KCNK12: variants seen among roughly 807,000 people sequenced by gnomAD.
The protein encoded by KCNK12 is potassium channel subfamily K member 12.
KCNK12 carries 6 observed loss-of-function variants against 25.3 expected under a neutral mutation model. The ratio of observed to expected loss-of-function variants is 0.24; its 90% CI spans 0.13 to 0.47. KCNK12 has a LOEUF of 0.47. Ranked by LOEUF, KCNK12 falls within the 20% of genes least tolerant of loss-of-function variation. The pLI is 0.99. For missense variants in KCNK12, 444 were observed against 661.7 expected, an observed-to-expected ratio of 0.67 and a Z score of 3.61; for synonymous variants, 331 against 311.1, an observed-to-expected ratio of 1.06 and a Z score of -0.67.
Position 47,568,970 on chromosome 2 carries a change from G to C in KCNK12, c.391+971C>G, listed in dbSNP as rs889734759. Among the ~76,000 whole-genome samples, 3 of 152,156 alleles carry C rather than the reference G, an allele frequency of 2.0e-5. No homozygotes were observed. In the East Asian group the frequency reaches 5.8e-4, roughly 29 times the overall value. ...GACACCCAGGGCCCAGGGAAAGTGGGGGATGGGAAAAGTGAGTGAGAGGAG... is the reference window on the plus strand; with the variant it reads ...GACACCCAGGGCCCAGGGAAAGTGGCGGATGGGAAAAGTGAGTGAGAGGAG... On this transcript the variant is annotated intron_variant, in intron 1 of 1. Transcript: ENST00000327876.
Position 47,570,281 on chromosome 2 carries a change from C to A in KCNK12, c.51G>T (p.Leu17=), listed in dbSNP as rs1052912560. ...RPPPRRSRRR[L]PRPSCCCCCC... Reference sequence around the variant, plus strand: ...AGCAGCAGCAGCAGGAGGGGCGCGGCAGGCGGCGGCGGCTACGGCGGGGCG... The same window carrying A: ...AGCAGCAGCAGCAGGAGGGGCGCGGAAGGCGGCGGCGGCTACGGCGGGGCG... Residue 17 remains leucine, a synonymous_variant, in exon 1 of 2, where the codon CTG becomes CTT. Transcript: ENST00000327876. The A allele has an allele frequency of 1.4e-6, 2 of 1,394,538 alleles. No individual in the cohort carries two copies. Among genetic ancestry groups the A allele is most frequent in the Non-Finnish European group, 1.9e-6 (2 of 1,075,968 alleles). 86.4% of individuals were successfully genotyped at this position (1,394,538 alleles called of 1,614,324 possible). A position where few individuals can be genotyped will look rare whatever the true frequency, so the allele number is the denominator to read the frequency against.
At chr2:47,567,026 A>T (rs557813895) in intron 1 of KCNK12, 150 of 152,344 alleles carry the variant, frequency 9.8e-4, no homozygotes, top group African/African-American at 3.5e-3. Context: ...GTAAGCTTTA[A>T]CCTTTCAAAA....
Position 47,562,776 on chromosome 2 carries a change from TGTTC to T in KCNK12, c.391+7161_391+7164del, listed in dbSNP as rs748797996. Reference sequence around the variant, plus strand: ...TGCAGTTTCAAGCCCCTCCACCCCCTGTTCCTCACCAACTCTCCCCGTGTAGAAA... The same window carrying T: ...TGCAGTTTCAAGCCCCTCCACCCCCTCTCACCAACTCTCCCCGTGTAGAAA... On this transcript the variant is annotated intron_variant, in intron 1 of 1. Transcript: ENST00000327876. The surrounding 1 kb of genome is among the most constrained non-coding windows in gnomAD (Gnocchi z 4.8). 209 of 233,174 alleles carry T rather than the reference TGTTC, an allele frequency of 9.0e-4. No homozygotes were observed. The highest frequency in any genetic ancestry group is 1.3e-3 in the Non-Finnish European group (156 of 118,014). The allele number at this position is 233,174 out of a possible 1,614,324, so 14.4% of individuals were successfully genotyped here. A position where few individuals can be genotyped will look rare whatever the true frequency, so the allele number is the denominator to read the frequency against.
rs1274746594 is a variant in KCNK12 at position 47,540,653 on chromosome 2, C to A, written c.392-18845G>T. Among the ~76,000 whole-genome samples, 1 of 152,170 alleles carries A rather than the reference C, an allele frequency of 6.6e-6. No homozygotes were observed. The highest frequency in any genetic ancestry group is 2.4e-5 in the African/African-American group (1 of 41,428). On this transcript the variant is annotated intron_variant, in intron 1 of 1. Transcript: ENST00000327876. The surrounding 1 kb of genome is among the most constrained non-coding windows in gnomAD (Gnocchi z 5.4). ...CTTTAAAGATCTGTTAGGCTAGGCA[C>A]GGTGGCTTATGCCTGTCATGCCAGC...
In KCNK12 at chr2:47,515,422, T is replaced by G. The variant is rs1425629285; in HGVS notation, c.*5485A>C. 6.6e-6 allele frequency among the ~76,000 whole-genome samples: 1 copy of G among 152,222 alleles called. No individual in the cohort carries two copies. The highest frequency in any genetic ancestry group is 1.9e-4 in the East Asian group (1 of 5,198). On this transcript the variant is annotated 3_prime_UTR_variant, in exon 2 of 2. Coordinates refer to ENST00000327876, the MANE Select transcript of KCNK12 (RefSeq NM_022055.2). Reference sequence around the variant, plus strand: ...GCTTAAGGTCATCGCCAAAATCTGATTTTTTACACAAAAAATTTGCAACCT... The same window carrying G: ...GCTTAAGGTCATCGCCAAAATCTGAGTTTTTACACAAAAAATTTGCAACCT...
chr2:47,547,653 A>T lies in KCNK12; in HGVS notation c.391+22288T>A, dbSNP rs575211819. 3.3e-5 allele frequency among the ~76,000 whole-genome samples: 5 copies of T among 152,258 alleles called. 1 individual carries two copies. In the South Asian group the frequency reaches 1.0e-3, roughly 32 times the overall value. On this transcript the variant is annotated intron_variant, in intron 1 of 1. Transcript: ENST00000327876. The surrounding 1 kb of genome is among the most constrained non-coding windows in gnomAD (Gnocchi z 5.0). ...CATTCTGTCACCCAGGCTGGAGTGC[A>T]GTACCATGATCTTGACTCACAGCAA...
chr2:47,542,709 C>T (rs1051842909), intron 1 of KCNK12, among the ~76,000 whole-genome samples: 3 of 152,136 alleles, frequency 2.0e-5, no homozygotes, highest in East Asian at 1.9e-4. Flanking sequence ...GCAGGGATGG[C>T]GCGAGGTGAG....
At chr2:47,532,525 C>A (rs1015135917) in intron 1 of KCNK12, among the ~76,000 whole-genome samples, 15 of 152,158 alleles carry the variant, frequency 9.9e-5, no homozygotes, top group Non-Finnish European at 1.6e-4. Flanking sequence ...CCACACCTGG[C>A]AACCGTTCTT....
chr2:47,521,838 C>A (rs1319078577), intron 1 of KCNK12, 30 bp from the exon 2 acceptor site: 4 of 1,480,608 alleles, frequency 2.7e-6, no homozygotes, highest in Non-Finnish European at 3.6e-6. Flanking sequence ...TCAGCGCGGT[C>A]CTGGCCGCGC....
intron 1 of KCNK12, among the ~76,000 whole-genome samples, chr2:47,553,232 A>G (rs1669476765): frequency 1.3e-5 from 2 of 152,260 alleles, no homozygotes; most frequent in South Asian, 2.1e-4. Context: ...TAGCTATAAA[A>G]TAAAATTATA....
chr2:47,562,406 G>A lies in KCNK12; in HGVS notation c.391+7535C>T. 3.2e-6 allele frequency: 1 copy of A among 315,510 alleles called. No homozygotes were observed. The highest frequency in any genetic ancestry group is 5.8e-6 in the Non-Finnish European group (1 of 173,300). The allele number at this position is 315,510 out of a possible 1,614,324, so 19.5% of individuals were successfully genotyped here. A position where few individuals can be genotyped will look rare whatever the true frequency, so the allele number is the denominator to read the frequency against. ...AAGCAGATGGAGGAGAAACCCCAGG[G>A]CTCAATTTTTCTAAGGGCCCAGGCA... On this transcript the variant is annotated intron_variant, in intron 1 of 1. Transcript: ENST00000327876. The surrounding 1 kb of genome is among the most constrained non-coding windows in gnomAD (Gnocchi z 4.8).
rs1323398058 is a variant in KCNK12, at chr2:47,515,178, G to T, written c.*5729C>A. Among the ~76,000 whole-genome samples, 3 of 152,142 alleles carry T rather than the reference G, an allele frequency of 2.0e-5. No individual in the cohort carries two copies. Among genetic ancestry groups the T allele is most frequent in the Non-Finnish European group, 4.4e-5 (3 of 68,018 alleles). On this transcript the variant is annotated 3_prime_UTR_variant, in exon 2 of 2. Transcript: ENST00000327876. Reference sequence around the variant, plus strand: ...GAGCTGATGGGTGACGAGAAATCAGGCCTCTCCGCCACGGCAGCCTAGCTA... The same window carrying T: ...GAGCTGATGGGTGACGAGAAATCAGTCCTCTCCGCCACGGCAGCCTAGCTA...
intron 1 of KCNK12, among the ~76,000 whole-genome samples, chr2:47,550,906 C>T (rs1261347789): frequency 6.6e-6 from 1 of 152,172 alleles, no homozygotes; most frequent in Non-Finnish European, 1.5e-5. Context: ...AGTCCCCACA[C>T]TTCTATATTT....
chr2:47,527,283 C>G (rs1273338812), intron 1 of KCNK12, among the ~76,000 whole-genome samples: 1 of 152,172 alleles, frequency 6.6e-6, no homozygotes, highest in African/African-American at 2.4e-5. Flanking sequence ...CCTCTCTGGC[C>G]TCCTTTCTAC....
rs1481950798 is a variant in KCNK12, at chr2:47,565,290, T to C, written c.391+4651A>G. On this transcript the variant is annotated intron_variant, in intron 1 of 1. Transcript: ENST00000327876. The surrounding 1 kb of genome is among the most constrained non-coding windows in gnomAD (Gnocchi z 5.0). Reference sequence around the variant, plus strand: ...GGATTACATACATGTTAGAAGAAAGTTGAATGTAAATGTGGTAGTGACATT... The same window carrying C: ...GGATTACATACATGTTAGAAGAAAGCTGAATGTAAATGTGGTAGTGACATT... 2 of 152,222 alleles carry C rather than the reference T, an allele frequency of 1.3e-5. No homozygotes were observed. 9.4% of individuals were successfully genotyped at this position (152,222 alleles called of 1,614,324 possible).
intron 1 of KCNK12, among the ~76,000 whole-genome samples, chr2:47,549,313 C>G (rs1266452597): frequency 6.6e-6 from 1 of 152,140 alleles, no homozygotes; most frequent in Non-Finnish European, 1.5e-5. Flanking sequence ...TGGAAAATAT[C>G]AACTGATCTA....
At position 47,569,885 on chromosome 2, in the gene KCNK12, A is replaced by G. The variant is rs1669853285; in HGVS notation, c.391+56T>C. 1 of 1,272,146 alleles carries G rather than the reference A, an allele frequency of 7.9e-7. No individual in the cohort carries two copies. Among genetic ancestry groups the G allele is most frequent in the East Asian group, 3.2e-5 (1 of 31,598 alleles). The allele number at this position is 1,272,146 out of a possible 1,614,324, so 78.8% of individuals were successfully genotyped here. On this transcript the variant is annotated intron_variant, in intron 1 of 1. Coordinates refer to ENST00000327876, the MANE Select transcript of KCNK12 (RefSeq NM_022055.2). The surrounding 1 kb of genome is among the most constrained non-coding windows in gnomAD (Gnocchi z 4.1). ...CGGACCGAGCGGCCGAGCAGTGGAA[A>G]GGGCGGCAGGTGAAAGGCACAGAGA...
At chr2:47,524,508 C>G (rs1452698399) in intron 1 of KCNK12, among the ~76,000 whole-genome samples, 1 of 152,162 alleles carries the variant, frequency 6.6e-6, no homozygotes, top group East Asian at 1.9e-4. Flanking sequence ...TCAGGCCAAA[C>G]TACAGCCTTT....
Position 47,528,803 on chromosome 2 carries a change from C to T in KCNK12, c.392-6995G>A, listed in dbSNP as rs1327891621. Among the ~76,000 whole-genome samples the T allele has an allele frequency of 6.6e-6, 1 of 152,220 alleles. No individual in the cohort carries two copies. Among genetic ancestry groups the T allele is most frequent in the East Asian group, 1.9e-4 (1 of 5,194 alleles). On this transcript the variant is annotated intron_variant, in intron 1 of 1. Coordinates refer to ENST00000327876, the MANE Select transcript of KCNK12 (RefSeq NM_022055.2). This position sits in a 1 kb window ranked among gnomAD's most constrained non-coding sequence, Gnocchi z 4.5. ...CGCAAATGGGGCCCTGGTGATGGGG[C>T]CTTCGGAGTTCAGCTCAGAGAGCAT...
Sources: allele counts gnomAD v4.1 joint callset (sites outside exome capture counted in the v4.1 genomes callset), GRCh38; gene constraint gnomAD v4.1.1; non-coding constraint Gnocchi (gnomAD v3.1); transcripts MANE v1.5; gene names NCBI Gene and HGNC (gene_info 2026-07-23, HGNC 2026-07-21).